SLC7A14: variants seen among roughly 807,000 people sequenced by gnomAD.
SLC7A14 encodes gamma-aminobutyric acid transporter SLC7A14.
In SLC7A14, 37 loss-of-function variants were observed where a neutral mutation model predicts 60.2. That is an observed-to-expected ratio of 0.61 (90% CI 0.47 to 0.81). The LOEUF (loss-of-function observed/expected upper bound fraction) is 0.81. Among genes scored for constraint, SLC7A14 ranks in the 30% least tolerant of loss-of-function variants. The pLI is 0.00. For synonymous variants in SLC7A14, 399 were observed against 395.8 expected, an observed-to-expected ratio of 1.01 and a Z score of -0.10; for missense variants, 886 against 982.7, an observed-to-expected ratio of 0.90 and a Z score of 1.32.
At chr3:170,549,494 G>T (rs1714278580) in intron 1 of SLC7A14, among the ~76,000 whole-genome samples, 1 of 152,122 alleles carries the variant, frequency 6.6e-6, no homozygotes, top group Non-Finnish European at 1.5e-5. Context: ...GATTACAGAC[G>T]TGAGCCACCA....
At position 170,466,561 on chromosome 3, in the gene SLC7A14, T is replaced by C. The variant is rs1215722779; in HGVS notation, c.*494A>G. On this transcript the variant is annotated 3_prime_UTR_variant, in exon 8 of 8. Coordinates refer to ENST00000231706, the MANE Select transcript of SLC7A14 (RefSeq NM_020949.3). ...AAGAAGCATGTGTCTTTTCCATGAA[T>C]TAATTTTGGGTGAGATTGCAGGATA... 3 of 152,646 alleles carry C rather than the reference T, an allele frequency of 2.0e-5. No individual in the cohort carries two copies. Among genetic ancestry groups the C allele is most frequent in the Non-Finnish European group, 4.4e-5 (3 of 68,420 alleles). 9.5% of individuals were successfully genotyped at this position (152,646 alleles called of 1,614,324 possible).
In SLC7A14 at chr3:170,532,682, T is replaced by TTGTTG. The variant is rs1560271864; in HGVS notation, c.-152-5595_-152-5594insCAACA. On this transcript the variant is annotated intron_variant, in intron 1 of 7. Coordinates refer to ENST00000231706, the MANE Select transcript of SLC7A14 (RefSeq NM_020949.3). The surrounding 1 kb of genome is among the most constrained non-coding windows in gnomAD (Gnocchi z 4.0). Reference sequence around the variant, plus strand: ...GCCCCTGACCAGGTGTTTTTTTTTTTTTGTTGTTGTTGTTCCCTGCTACTG... The same window carrying TTGTTG: ...GCCCCTGACCAGGTGTTTTTTTTTTTTGTTGTTGTTGTTGTTGTTCCCTGCTACTG... 1.5e-4 allele frequency among the ~76,000 whole-genome samples: 23 copies of TTGTTG among 150,772 alleles called. No homozygotes were observed. The East Asian group carries it at 4.5e-3, about 29-fold the overall frequency.
intron 1 of SLC7A14, among the ~76,000 whole-genome samples, chr3:170,542,149 A>G (rs1714035568): frequency 6.6e-6 from 1 of 152,192 alleles, no homozygotes; most frequent in South Asian, 2.1e-4. Context: ...GAATCGAATC[A>G]CCAGGAGCCA....
intron 1 of SLC7A14, among the ~76,000 whole-genome samples, chr3:170,582,227 G>A (rs570420659): frequency 6.6e-6 from 1 of 152,088 alleles, no homozygotes; most frequent in Non-Finnish European, 1.5e-5. Context: ...AAGAAGAGTA[G>A]GTCCTTACTT....
chr3:170,578,569 C>G (rs1489008094), intron 1 of SLC7A14, among the ~76,000 whole-genome samples: 1 of 152,154 alleles, frequency 6.6e-6, no homozygotes, highest in African/African-American at 2.4e-5. Context: ...ATCCAGGTTT[C>G]TCATCTGTAA....
intron 7 of SLC7A14, among the ~76,000 whole-genome samples, chr3:170,475,561 C>G (rs1711584654): frequency 6.6e-6 from 1 of 152,084 alleles, no homozygotes; most frequent in African/African-American, 2.4e-5. Context: ...TTTTGAAAAA[C>G]AAGTCTTTGT....
At chr3:170,539,687 T>G (rs1713954952) in intron 1 of SLC7A14, among the ~76,000 whole-genome samples, 1 of 152,208 alleles carries the variant, frequency 6.6e-6, no homozygotes. Flanking sequence ...TTATATTCAT[T>G]AAGTTAAGGG....
intron 2 of SLC7A14, among the ~76,000 whole-genome samples, chr3:170,508,412 A>C (rs1439835134): frequency 1.3e-5 from 2 of 152,168 alleles, no homozygotes; most frequent in Non-Finnish European, 2.9e-5. Flanking sequence ...TAGGTTGCTG[A>C]TATCAGGCCC....
chr3:170,563,442 G>C (rs1415703569), intron 1 of SLC7A14, among the ~76,000 whole-genome samples: 1 of 143,496 alleles, frequency 7.0e-6, no homozygotes, highest in African/African-American at 2.5e-5. Flanking sequence ...TTTTGAGATG[G>C]AGTCTTACTC....
intron 2 of SLC7A14, among the ~76,000 whole-genome samples, chr3:170,508,750 T>G (rs556242050): frequency 6.6e-6 from 1 of 152,358 alleles, no homozygotes; most frequent in East Asian, 1.9e-4. Flanking sequence ...GCAGCGGGGC[T>G]AAGGCATGCT....
chr3:170,542,500 C>T (rs1330178845), intron 1 of SLC7A14, among the ~76,000 whole-genome samples: 1 of 152,206 alleles, frequency 6.6e-6, no homozygotes, highest in Non-Finnish European at 1.5e-5. Context: ...TCTTGCATGT[C>T]CCTTGCCACT....
chr3:170,513,831 A>G (rs571915263), intron 2 of SLC7A14, among the ~76,000 whole-genome samples: 1 of 152,310 alleles, frequency 6.6e-6, no homozygotes, highest in South Asian at 2.1e-4. Flanking sequence ...AGAAATTGCC[A>G]TCTCTAACCC....
intron 1 of SLC7A14, among the ~76,000 whole-genome samples, chr3:170,557,694 C>T (rs1028547351): frequency 6.6e-6 from 1 of 152,074 alleles, no homozygotes; most frequent in Non-Finnish European, 1.5e-5. Flanking sequence ...TTCATTTTTT[C>T]CTTTTGTAAA....
chr3:170,481,230 A>T (rs1035298399), intron 6 of SLC7A14, 64 bp from the exon 7 acceptor site: 2 of 1,516,662 alleles, frequency 1.3e-6, no homozygotes, highest in African/African-American at 2.8e-5. Flanking sequence ...AGTGCAGCCA[A>T]CATAGGGAGC....
At chr3:170,495,188 G>GT (rs961582062) in intron 4 of SLC7A14, among the ~76,000 whole-genome samples, 33 of 152,114 alleles carry the variant, frequency 2.2e-4, no homozygotes, top group African/African-American at 7.0e-4. Context: ...AGATTTTGCT[G>GT]TTTTTTTGCA....
intron 2 of SLC7A14, among the ~76,000 whole-genome samples, chr3:170,507,575 G>T (rs1168273383): frequency 6.6e-6 from 1 of 152,146 alleles, no homozygotes; most frequent in Non-Finnish European, 1.5e-5. Flanking sequence ...GCGAAAAGGT[G>T]TAGCTGGGCA....
intron 2 of SLC7A14, among the ~76,000 whole-genome samples, chr3:170,524,041 G>A (rs1713417759): frequency 1.3e-5 from 2 of 152,226 alleles, no homozygotes; most frequent in African/African-American, 4.8e-5. Flanking sequence ...TATGTGGAGA[G>A]GAGGAATCCT....
chr3:170,489,809 A>G (rs534200396), intron 4 of SLC7A14, among the ~76,000 whole-genome samples: 15 of 152,352 alleles, frequency 9.8e-5, no homozygotes, highest in Non-Finnish European at 1.6e-4. Context: ...GGAACTGAAG[A>G]TCTTTATGTT....
chr3:170,507,172 TA>T (rs1462480799), intron 2 of SLC7A14, among the ~76,000 whole-genome samples: 3 of 151,374 alleles, frequency 2.0e-5, no homozygotes, highest in African/African-American at 7.3e-5. Flanking sequence ...CTAACCTACT[TA>T]TCAGCTCATT....
Sources: allele counts gnomAD v4.1 joint callset (sites outside exome capture counted in the v4.1 genomes callset), GRCh38; gene constraint gnomAD v4.1.1; non-coding constraint Gnocchi (gnomAD v3.1); transcripts MANE v1.5; gene names NCBI Gene and HGNC (gene_info 2026-07-23, HGNC 2026-07-21).